GOLGA1: variants seen among roughly 807,000 people sequenced by gnomAD.
GOLGA1 encodes golgin A1.
A neutral mutation model predicts 119.7 loss-of-function variants in GOLGA1; 63 were observed. That is an observed-to-expected ratio of 0.53 (90% CI 0.43 to 0.65). GOLGA1 has a LOEUF of 0.65. Among genes scored for constraint, GOLGA1 ranks in the 30% least tolerant of loss-of-function variants. GOLGA1 has a pLI of 0.00. For missense variants in GOLGA1, 798 were observed against 912.8 expected (o/e 0.87, Z 1.62); for synonymous variants, 318 against 333.4 (o/e 0.95, Z 0.50).
At chr9:124,919,856 A>G (rs1370820197) in intron 10 of GOLGA1, among the ~76,000 whole-genome samples, 1 of 152,168 alleles carries the variant, frequency 6.6e-6, no homozygotes, top group African/African-American at 2.4e-5. Flanking sequence ...AATGCAATGG[A>G]CAATCATACA....
At position 124,889,179 on chromosome 9, in the gene GOLGA1, T is replaced by G. The variant is rs749773001; in HGVS notation, c.1725A>C (p.Pro575=). 5.0e-6 allele frequency: 8 copies of G among 1,612,292 alleles called. No individual in the cohort carries two copies. Among genetic ancestry groups the G allele is most frequent in the South Asian group, 1.1e-5 (1 of 90,990 alleles). Residue 575 remains proline (P), a synonymous_variant, in exon 18 of 23, where the codon CCA becomes CCC. Coordinates refer to ENST00000373555, the MANE Select transcript of GOLGA1 (RefSeq NM_002077.4). ...TGACTGAGAGTGCTTCGGCCTGCAA[T>G]GGGCCCCGCAGCCTCAGCAGGTCCT... The part of the protein sequence containing the change: ...EQEDLLRLRG[P]LQAEALSVNE...
chr9:124,943,768 A>G (rs1588107254), upstream of GOLGA1: 1 of 152,162 alleles, frequency 6.6e-6, no homozygotes, highest in South Asian at 2.1e-4. Context: ...GATTATCTTA[A>G]CCTTTAGTGA....
chr9:124,899,850 C>G (rs894615), intron 13 of GOLGA1, among the ~76,000 whole-genome samples: 87,776 of 152,114 alleles, frequency 0.58, 25,783 homozygotes, highest in South Asian at 0.58. Context: ...AGGGCTTTGA[C>G]AGGAGAAAGA....
chr9:124,912,574 GCT>G (rs1418702357), intron 10 of GOLGA1, among the ~76,000 whole-genome samples: 4 of 152,060 alleles, frequency 2.6e-5, no homozygotes, highest in African/African-American at 9.7e-5. Context: ...ACGGAGTGTC[GCT>G]CTGTTGCCTT....
intron 15 of GOLGA1, among the ~76,000 whole-genome samples, chr9:124,896,716 T>C (rs1436353930): frequency 6.6e-6 from 1 of 152,214 alleles, no homozygotes; most frequent in African/African-American, 2.4e-5. Context: ...CCAAGGCCAG[T>C]GGATCGCTTG....
At chr9:124,926,884 A>C in intron 6 of GOLGA1, 143 bp from the exon 7 acceptor site, 1 of 570,248 alleles carries the variant, frequency 1.8e-6, no homozygotes, top group Non-Finnish European at 3.1e-6. Context: ...AAAATCTATA[A>C]ACTTGGTTTA....
upstream of GOLGA1, chr9:124,941,122 G>A (rs529293960): frequency 6.6e-6 from 1 of 152,046 alleles, no homozygotes; most frequent in South Asian, 2.1e-4. Flanking sequence ...TGCGCGGTGG[G>A]GGGAGGGGGT....
At chr9:124,918,562 A>G (rs932141993) in intron 10 of GOLGA1, among the ~76,000 whole-genome samples, 1 of 152,014 alleles carries the variant, frequency 6.6e-6, no homozygotes, top group African/African-American at 2.4e-5. Context: ...CCAGGAGTTC[A>G]AGACCAGCCT....
At chr9:124,917,529 T>C (rs534319653) in intron 10 of GOLGA1, among the ~76,000 whole-genome samples, 5 of 152,198 alleles carry the variant, frequency 3.3e-5, no homozygotes, top group African/African-American at 1.2e-4. Flanking sequence ...CTTACATTTG[T>C]CTACCCATTA....
chr9:124,886,516 T>C (rs145277024), intron 19 of GOLGA1, among the ~76,000 whole-genome samples: 16 of 152,052 alleles, frequency 1.1e-4, no homozygotes, highest in African/African-American at 3.6e-4. Flanking sequence ...GAGGAAAGGT[T>C]GAGAGAGAAG....
chr9:124,880,324 T>A lies in GOLGA1; in HGVS notation c.*206A>T. 1 of 452,856 alleles carries A rather than the reference T, an allele frequency of 2.2e-6. No individual in the cohort carries two copies. The highest frequency in any genetic ancestry group is 4.1e-6 in the Non-Finnish European group (1 of 241,318). 28.1% of individuals were successfully genotyped at this position (452,856 alleles called of 1,614,324 possible). A position where few individuals can be genotyped will look rare whatever the true frequency, so the allele number is the denominator to read the frequency against. On this transcript the variant is annotated 3_prime_UTR_variant, in exon 23 of 23. Transcript: ENST00000373555. ...CTGGGTAGTGCCAGGACCCTCCTGTTTGGTGACCAGAATGACAGGATCAGC... is the reference window on the plus strand; with the variant it reads ...CTGGGTAGTGCCAGGACCCTCCTGTATGGTGACCAGAATGACAGGATCAGC...
rs1724610494 is a variant in GOLGA1, at chr9:124,888,035, T to G, written c.1905+218A>C. On this transcript the variant is annotated intron_variant, in intron 19 of 22. Transcript: ENST00000373555. This position sits in a 1 kb window ranked among gnomAD's most constrained non-coding sequence, Gnocchi z 4.4. ...TGCCCAAGCCTGACACTTGTCCAGT[T>G]CTCCAGGGGGTGGGGAGAAGAGGGC... 1.3e-5 allele frequency among the ~76,000 whole-genome samples: 2 copies of G among 151,822 alleles called. No homozygotes were observed. The highest frequency in any genetic ancestry group is 4.8e-5 in the African/African-American group (2 of 41,298).
At chr9:124,902,983 C>A (rs1163992245) in intron 12 of GOLGA1, among the ~76,000 whole-genome samples, 3 of 152,066 alleles carry the variant, frequency 2.0e-5, no homozygotes, top group Admixed American at 6.6e-5. Flanking sequence ...CAGAAAATAC[C>A]TAAGTCTCAA....
At chr9:124,931,665 A>G (rs1433912821) in intron 3 of GOLGA1, among the ~76,000 whole-genome samples, 1 of 152,226 alleles carries the variant, frequency 6.6e-6, no homozygotes, top group Non-Finnish European at 1.5e-5. Context: ...AAATAGATCC[A>G]TTATTACAGC....
At chr9:124,923,067 A>G (rs759444244) in intron 8 of GOLGA1, 28 bp downstream of exon 8, 1 of 1,538,352 alleles carries the variant, frequency 6.5e-7, no homozygotes, top group Admixed American at 1.7e-5. Flanking sequence ...TCTATTCAGT[A>G]TTTAGCTACT....
At chr9:124,935,711 GA>G (rs1236819401) in intron 3 of GOLGA1, among the ~76,000 whole-genome samples, 1 of 143,318 alleles carries the variant, frequency 7.0e-6, no homozygotes, top group Non-Finnish European at 1.5e-5. Flanking sequence ...TGAGGCAGGA[GA>G]ATTGCTTGAA....
chr9:124,888,723 C>T lies in GOLGA1; in HGVS notation c.1762-327G>A, dbSNP rs149454837. The stretch of plus-strand genomic sequence containing the variant: ...TTATCTATTTATTTATTTATTGAGA[C>T]GGAGTCTTGCTCTGTCACCCAGGCT... On this transcript the variant is annotated intron_variant, in intron 18 of 22. Coordinates refer to ENST00000373555, the MANE Select transcript of GOLGA1 (RefSeq NM_002077.4). This position sits in a 1 kb window ranked among gnomAD's most constrained non-coding sequence, Gnocchi z 4.4. Among the ~76,000 whole-genome samples, 49 of 152,180 alleles carry T rather than the reference C, an allele frequency of 3.2e-4. No individual in the cohort carries two copies. The highest frequency in any genetic ancestry group is 1.1e-3 in the African/African-American group (46 of 41,506).
chr9:124,907,692 C>A (rs576149571), intron 12 of GOLGA1, among the ~76,000 whole-genome samples: 1 of 152,250 alleles, frequency 6.6e-6, no homozygotes, highest in African/African-American at 2.4e-5. Flanking sequence ...TTAACAGGCA[C>A]ATGAAGACAA....
rs190767597 is a variant in GOLGA1 at position 124,914,664 on chromosome 9, A to G, written c.844-2638T>C. On this transcript the variant is annotated intron_variant, in intron 10 of 22. Coordinates refer to ENST00000373555, the MANE Select transcript of GOLGA1 (RefSeq NM_002077.4). The stretch of plus-strand genomic sequence containing the variant: ...GCTGCAAGCACTTCCTATTATGTCT[A>G]GTCCTTACAAATGCTCTTTATCACA... Among the ~76,000 whole-genome samples the G allele has an allele frequency of 2.0e-5, 3 of 152,382 alleles. No homozygotes were observed. In the East Asian group the frequency reaches 5.8e-4, roughly 29 times the overall value.
Sources: allele counts gnomAD v4.1 joint callset (sites outside exome capture counted in the v4.1 genomes callset), GRCh38; gene constraint gnomAD v4.1.1; non-coding constraint Gnocchi (gnomAD v3.1); transcripts MANE v1.5; gene names NCBI Gene and HGNC (gene_info 2026-07-23, HGNC 2026-07-21).